IL1RAPL1: variants seen among roughly 807,000 people sequenced by gnomAD.
IL1RAPL1 encodes the protein interleukin 1 receptor accessory protein like 1.
Under a neutral mutation model 48.4 loss-of-function variants are expected in IL1RAPL1, and 3 were observed. The observed-to-expected ratio is 0.06, with a 90% confidence interval of 0.03 to 0.16. IL1RAPL1 has a LOEUF of 0.16. Among genes scored for constraint, IL1RAPL1 ranks in the 10% least tolerant of loss-of-function variants. The probability of loss-of-function intolerance (pLI) is 1.00; values close to 1 mark genes in which losing one functional copy is unlikely to be tolerated. For missense variants in IL1RAPL1, 349 were observed against 530.6 expected (o/e 0.66, Z 3.36); for synonymous variants, 185 against 187.7 (o/e 0.99, Z 0.12).
At chrX:29,417,573 C>G (rs1247971148) in intron 5 of IL1RAPL1, among the ~76,000 whole-genome samples, 2 of 111,720 alleles carry the variant, frequency 1.8e-5, no homozygotes, top group Non-Finnish European at 3.8e-5. Flanking sequence ...CATCGGGTTC[C>G]ACTCCAACAT....
intron 1 of IL1RAPL1, among the ~76,000 whole-genome samples, chrX:28,767,394 TC>T (rs753831409): frequency 1.4e-4 from 16 of 110,979 alleles, no homozygotes; most frequent in Non-Finnish European, 2.6e-4. Flanking sequence ...CTACTTTGAC[TC>T]TTTTTTTTAA....
Position 29,766,362 on chromosome X carries a change from TAGATAG to T in IL1RAPL1, c.778+97860_778+97865del, listed in dbSNP as rs1364120631. Among the ~76,000 whole-genome samples the T allele has an allele frequency of 8.2e-4, 57 of 69,870 alleles. 1 individual carries two copies. Among genetic ancestry groups the T allele is most frequent in the East Asian group, 3.4e-3 (9 of 2,675 alleles). The allele number at this position is 69,870 out of a possible 115,157, so 60.7% of individuals were successfully genotyped here. On this transcript the variant is annotated intron_variant, in intron 6 of 10. Transcript: ENST00000378993. ...AAAAAAATATATATATATATATATA[TAGATAG>T]ATAGATAGATAGATAGATATTTTTA...
intron 6 of IL1RAPL1, among the ~76,000 whole-genome samples, chrX:29,840,482 G>C (rs937798854): frequency 9.0e-6 from 1 of 111,669 alleles, no homozygotes; most frequent in African/African-American, 3.3e-5. Context: ...AAAAATCCCA[G>C]GAAATCACTG....
intron 2 of IL1RAPL1, among the ~76,000 whole-genome samples, chrX:29,074,333 C>CATAG (rs1927626274): frequency 9.0e-6 from 1 of 111,516 alleles, no homozygotes; most frequent in Admixed American, 9.5e-5. Flanking sequence ...AAGCCCTGGG[C>CATAG]ATAGCCTGCT....
intron 5 of IL1RAPL1, among the ~76,000 whole-genome samples, chrX:29,571,975 G>GGTC (rs1452106194): frequency 4.5e-5 from 5 of 112,043 alleles, no homozygotes; most frequent in African/African-American, 1.6e-4. Context: ...GGACCTTTAA[G>GGTC]GTCCTCCCAG....
At chrX:29,068,861 GAAC>G (rs936961645) in intron 2 of IL1RAPL1, among the ~76,000 whole-genome samples, 8 of 112,020 alleles carry the variant, frequency 7.1e-5, no homozygotes, top group Non-Finnish European at 1.1e-4. Context: ...TAGGTCTTTA[GAAC>G]AATAACTCTG....
At chrX:29,012,974 A>G (rs1157652385) in intron 2 of IL1RAPL1, among the ~76,000 whole-genome samples, 1 of 112,096 alleles carries the variant, frequency 8.9e-6, no homozygotes, top group African/African-American at 3.2e-5. Flanking sequence ...ATTTCATTAA[A>G]GAATTGTAAC....
intron 2 of IL1RAPL1, among the ~76,000 whole-genome samples, chrX:29,258,381 G>C (rs1018488578): frequency 9.0e-6 from 1 of 111,286 alleles, no homozygotes; most frequent in African/African-American, 3.3e-5. Flanking sequence ...TTTACACCAG[G>C]AATTAACAAC....
At chrX:29,267,735 T>G (rs1441453934) in intron 2 of IL1RAPL1, among the ~76,000 whole-genome samples, 1 of 112,100 alleles carries the variant, frequency 8.9e-6, no homozygotes, top group Non-Finnish European at 1.9e-5. Context: ...AATCCATGCT[T>G]TGTTTTAGTA....
chrX:29,344,266 G>C (rs1933120814), intron 3 of IL1RAPL1, among the ~76,000 whole-genome samples: 1 of 111,795 alleles, frequency 8.9e-6, no homozygotes, highest in Non-Finnish European at 1.9e-5. Context: ...GAAATAGAAA[G>C]CCATGTTGCT....
intron 3 of IL1RAPL1, among the ~76,000 whole-genome samples, chrX:29,332,248 C>T (rs915778621): frequency 4.9e-5 from 4 of 81,397 alleles, no homozygotes; most frequent in Admixed American, 4.6e-4. Flanking sequence ...CCCATTTATC[C>T]GCATCTGTAT....
intron 2 of IL1RAPL1, among the ~76,000 whole-genome samples, chrX:29,098,254 A>C (rs1733816692): frequency 9.1e-6 from 1 of 110,403 alleles, no homozygotes; most frequent in Admixed American, 9.7e-5. Context: ...AGTCATCCCC[A>C]TTCCATGCCA....
At chrX:28,615,629 A>G (rs1323558736) in intron 1 of IL1RAPL1, among the ~76,000 whole-genome samples, 1 of 111,210 alleles carries the variant, frequency 9.0e-6, no homozygotes, top group African/African-American at 3.3e-5. Context: ...CTCAAAGGCC[A>G]TGGAAGCTTG....
intron 5 of IL1RAPL1, among the ~76,000 whole-genome samples, chrX:29,577,523 C>G (rs1280926509): frequency 9.0e-6 from 1 of 111,584 alleles, no homozygotes; most frequent in Non-Finnish European, 1.9e-5. Flanking sequence ...CTCAGTACCC[C>G]AATCTGAGCT....
intron 1 of IL1RAPL1, among the ~76,000 whole-genome samples, chrX:28,605,436 C>T (rs1934072812): frequency 8.9e-6 from 1 of 111,806 alleles, no homozygotes; most frequent in Non-Finnish European, 1.9e-5. Context: ...CTCTCACAAA[C>T]CACATCCAGT....
rs957003491 is a variant in IL1RAPL1, at chrX:28,954,869, C to A, written c.82+165444C>A. On this transcript the variant is annotated intron_variant, in intron 2 of 10. Transcript: ENST00000378993. ...CAGTAAAGACATAAAAATATCTATT[C>A]TCCTTTCCTCATTTACCCCCACATT... is the stretch of plus-strand genomic sequence containing the variant. 3.6e-5 allele frequency among the ~76,000 whole-genome samples: 4 copies of A among 111,625 alleles called. No individual in the cohort carries two copies. The Admixed American group carries it at 3.8e-4, about 11-fold the overall frequency.
At chrX:29,906,462 TATATATATATATATATATATATATATATA>T (rs1932624851) in intron 6 of IL1RAPL1, among the ~76,000 whole-genome samples, 2 of 626 alleles carry the variant, frequency 3.2e-3, no homozygotes, top group Non-Finnish European at 4.3e-3. Context: ...ACTTTGTAAA[TATATATATATATATATATATATATATATA>T]TATATATATA....
chrX:29,598,993 T>C (rs1923637344), intron 5 of IL1RAPL1, among the ~76,000 whole-genome samples: 3 of 112,407 alleles, frequency 2.7e-5, no homozygotes, highest in Admixed American at 9.4e-5. Flanking sequence ...TCTGCTCTTA[T>C]GTATCTTTTA....
chrX:29,562,188 C>T (rs1922258706), intron 5 of IL1RAPL1, among the ~76,000 whole-genome samples: 1 of 103,422 alleles, frequency 9.7e-6, no homozygotes, highest in African/African-American at 3.6e-5. Flanking sequence ...CTAGTAGAGA[C>T]AGGGTCTTAC....
Sources: allele counts gnomAD v4.1 joint callset (sites outside exome capture counted in the v4.1 genomes callset), GRCh38; gene constraint gnomAD v4.1.1; transcripts MANE v1.5; gene names NCBI Gene and HGNC (gene_info 2026-07-23, HGNC 2026-07-21).